Variants in RNF145 observed in about 807,000 individuals in gnomAD.
RNF145 encodes the protein ring finger protein 145.
A neutral mutation model predicts 57.3 loss-of-function variants in RNF145; 12 were observed. The observed-to-expected ratio is 0.21, with a 90% CI of 0.13 to 0.34. The LOEUF (loss-of-function observed/expected upper bound fraction) is 0.34. Among genes scored for constraint, RNF145 ranks in the 10% least tolerant of loss-of-function variants. The probability of loss-of-function intolerance (pLI) is 1.00; values close to 1 mark genes in which losing one functional copy is unlikely to be tolerated. For missense variants in RNF145, 429 were observed against 799.0 expected, an observed-to-expected ratio of 0.54 and a Z score of 5.58; for synonymous variants, 262 against 288.3, an observed-to-expected ratio of 0.91 and a Z score of 0.92.
chr5:159,200,495 A>T (rs973116491), intron 2 of RNF145, among the ~76,000 whole-genome samples: 17 of 152,208 alleles, frequency 1.1e-4, no homozygotes, highest in South Asian at 6.2e-4. Flanking sequence ...AGAAAAAATA[A>T]AATTATACCT....
At chr5:159,207,394 C>A in intron 1 of RNF145, 1 of 870,680 alleles carries the variant, frequency 1.1e-6, no homozygotes, top group South Asian at 1.7e-5. Flanking sequence ...ACAAGAATGA[C>A]ACGTGACCCA....
intron 2 of RNF145, 71 bp downstream of exon 2, chr5:159,203,363 A>G (rs868799708): frequency 1.9e-5 from 20 of 1,078,224 alleles, no homozygotes; most frequent in Non-Finnish European, 2.8e-5. Flanking sequence ...TTTTACCCAA[A>G]TTCAAAAAGA....
At position 159,170,184 on chromosome 5, in the gene RNF145, T is replaced by C. The variant is rs191811549; in HGVS notation, c.798-365A>G. 1.5e-3 allele frequency among the ~76,000 whole-genome samples: 231 copies of C among 152,292 alleles called. 1 individual carries two copies. Among genetic ancestry groups the C allele is most frequent in the African/African-American group, 5.2e-3 (217 of 41,548 alleles). On this transcript the variant is annotated intron_variant, in intron 6 of 10. Coordinates refer to ENST00000424310, the MANE Select transcript of RNF145 (RefSeq NM_001199383.2). ...GTTGCCCACTCTTCTTCCTGAAAAA[T>C]GATGGCTGTTCAAATTGTTCACTGT...
chr5:159,188,786 T>C (rs1785178543), intron 3 of RNF145, among the ~76,000 whole-genome samples: 1 of 152,118 alleles, frequency 6.6e-6, no homozygotes, highest in Admixed American at 6.5e-5. Flanking sequence ...TCTAAACAAG[T>C]TTTTAGTCAT....
Position 159,162,926 on chromosome 5 carries a change from G to A in RNF145, c.1269+6C>T, listed in dbSNP as rs764913171. The A allele has an allele frequency of 2.5e-6, 4 of 1,591,932 alleles. No individual in the cohort carries two copies. The highest frequency in any genetic ancestry group is 8.5e-7 in the Non-Finnish European group (1 of 1,172,996). On this transcript the variant is annotated splice_donor_region_variant and intron_variant, in intron 9 of 10. Transcript: ENST00000424310. ...ATTATATAGAGTTAATTAATCATAG[G>A]CTTACCTGAAGAGAGGTAAGAATGC...
chr5:159,173,647 A>T (rs1345278905), intron 6 of RNF145, among the ~76,000 whole-genome samples: 1 of 152,210 alleles, frequency 6.6e-6, no homozygotes, highest in African/African-American at 2.4e-5. Flanking sequence ...TACATTTTAA[A>T]TACTCAATAA....
rs1256054656 is a variant in RNF145, at chr5:159,157,549, T to A, written c.*1121A>T. 1 of 152,770 alleles carries A rather than the reference T, an allele frequency of 6.5e-6. No homozygotes were observed. Among genetic ancestry groups the A allele is most frequent in the Non-Finnish European group, 1.5e-5 (1 of 68,044 alleles). The allele number at this position is 152,770 out of a possible 1,614,324, so 9.5% of individuals were successfully genotyped here. A position where few individuals can be genotyped will look rare whatever the true frequency, so the allele number is the denominator to read the frequency against. ...AAAACACTTTTTGAGCCAAGCCTAT[T>A]GTATAAATAAATGACTAGTTTCTTT... On this transcript the variant is annotated 3_prime_UTR_variant, in exon 11 of 11. Coordinates refer to ENST00000424310, the MANE Select transcript of RNF145 (RefSeq NM_001199383.2).
At chr5:159,207,324 C>G (rs1785926354) in intron 1 of RNF145, 2 of 528,268 alleles carry the variant, frequency 3.8e-6, no homozygotes. Context: ...TTTTATTTCT[C>G]TTATTTGAGT....
At chr5:159,160,004 G>C (rs1032309943) in intron 10 of RNF145, among the ~76,000 whole-genome samples, 3 of 152,094 alleles carry the variant, frequency 2.0e-5, no homozygotes, top group African/African-American at 7.2e-5. Context: ...TCTCATTTTC[G>C]ATGTGATATC....
At chr5:159,169,078 G>A in intron 7 of RNF145, 23 bp from the exon 8 acceptor site, 1 of 1,492,906 alleles carries the variant, frequency 6.7e-7, no homozygotes, top group Non-Finnish European at 8.9e-7. Context: ...TACATTTTCA[G>A]AAAACATAAA....
At chr5:159,173,089 A>G (rs1320909112) in intron 6 of RNF145, among the ~76,000 whole-genome samples, 1 of 152,228 alleles carries the variant, frequency 6.6e-6, no homozygotes, top group African/African-American at 2.4e-5. Flanking sequence ...TAAAAAGACA[A>G]AACAAAACAA....
Position 159,182,620 on chromosome 5 carries a change from T to G in RNF145, c.294-569A>C, listed in dbSNP as rs540284975. Among the ~76,000 whole-genome samples the G allele has an allele frequency of 2.2e-3, 337 of 152,278 alleles. 1 individual carries two copies. The highest frequency in any genetic ancestry group is 6.9e-3 in the African/African-American group (288 of 41,574). On this transcript the variant is annotated intron_variant, in intron 3 of 10. Transcript: ENST00000424310. Reference sequence around the variant, plus strand: ...TATTTAAGTAGGCTACATATTTACTTTGAAGCAAATTTTACATCAAACAAA... The same window carrying G: ...TATTTAAGTAGGCTACATATTTACTGTGAAGCAAATTTTACATCAAACAAA...
chr5:159,171,099 A>G (rs1784538458), intron 6 of RNF145, among the ~76,000 whole-genome samples: 1 of 152,206 alleles, frequency 6.6e-6, no homozygotes, highest in African/African-American at 2.4e-5. Context: ...TATGATGAGA[A>G]AAAAAGTCTG....
intron 4 of RNF145, among the ~76,000 whole-genome samples, chr5:159,179,793 T>C (rs116306880): frequency 1.7e-3 from 263 of 152,230 alleles, no homozygotes; most frequent in African/African-American, 5.9e-3. Context: ...ATCCACTCTG[T>C]AGAGATTAGT....
intron 7 of RNF145, 71 bp downstream of exon 7, chr5:159,169,607 GA>G (rs1784484484): frequency 1.6e-6 from 2 of 1,285,782 alleles, no homozygotes; most frequent in African/African-American, 3.1e-5. Flanking sequence ...ATCAGCCAAA[GA>G]AATTCATCAT....
upstream of RNF145, chr5:159,209,688 G>A: frequency 1.0e-6 from 1 of 959,076 alleles, no homozygotes. Context: ...CGGTGCGTGG[G>A]CGGGAGACAT....
chr5:159,188,919 T>C (rs560883405), intron 3 of RNF145, among the ~76,000 whole-genome samples: 1 of 152,314 alleles, frequency 6.6e-6, no homozygotes, highest in East Asian at 1.9e-4. Flanking sequence ...TTCTATAAGC[T>C]AGTTTTTAAT....
At chr5:159,167,733 C>A (rs544580315) in intron 8 of RNF145, among the ~76,000 whole-genome samples, 1 of 152,254 alleles carries the variant, frequency 6.6e-6, no homozygotes, top group South Asian at 2.1e-4. Flanking sequence ...CTACCATCAA[C>A]TATGATGATT....
At chr5:159,173,859 A>G in intron 6 of RNF145, 124 bp downstream of exon 6, 1 of 661,996 alleles carries the variant, frequency 1.5e-6, no homozygotes, top group Non-Finnish European at 2.4e-6. Flanking sequence ...TGAAAATCCT[A>G]TCTTAACAAA....
Sources: allele counts gnomAD v4.1 joint callset (sites outside exome capture counted in the v4.1 genomes callset), GRCh38; gene constraint gnomAD v4.1.1; transcripts MANE v1.5; gene names NCBI Gene and HGNC (gene_info 2026-07-23, HGNC 2026-07-21).